The following SULF1 variants were observed in gnomAD, a reference collection of about 807,000 sequenced individuals.
The protein encoded by SULF1 is extracellular sulfatase Sulf-1.
In SULF1, 46 loss-of-function variants were observed where a neutral mutation model predicts 110.5. The observed-to-expected ratio is 0.42, with a 90% CI of 0.33 to 0.53. The LOEUF (loss-of-function observed/expected upper bound fraction) is 0.53, where lower values mean the gene tolerates loss of function less well. Among genes scored for constraint, SULF1 ranks in the 20% least tolerant of loss-of-function variants. SULF1 has a pLI of 0.12. For synonymous variants in SULF1, 371 were observed against 387.1 expected, an observed-to-expected ratio of 0.96 and a Z score of 0.49; for missense variants, 941 against 1,094.2, an observed-to-expected ratio of 0.86 and a Z score of 1.98.
At chr8:69,582,220 A>C (rs1420250899) in intron 6 of SULF1, among the ~76,000 whole-genome samples, 2 of 152,218 alleles carry the variant, frequency 1.3e-5, no homozygotes, top group Non-Finnish European at 2.9e-5. Flanking sequence ...AAGCAGAAAA[A>C]TGTAAGCCAA....
rs1563572639 is a variant in SULF1, at chr8:69,600,672, G to T, written c.804G>T (p.Leu268=). 1 of 1,614,038 alleles carries T rather than the reference G, an allele frequency of 6.2e-7. No homozygotes were observed. Among genetic ancestry groups the T allele is most frequent in the Non-Finnish European group, 8.5e-7 (1 of 1,179,928 alleles). The change falls in exon 9 of 23, where the codon CTG becomes CTT. Residue 268 remains leucine, a synonymous_variant. Coordinates refer to ENST00000402687, the MANE Select transcript of SULF1 (RefSeq NM_001128205.2). The part of the protein sequence containing the change: ...HWIMQYTGPM[L]PIHMEFTNIL... The stretch of plus-strand genomic sequence containing the variant: ...TTATGCAGTACACAGGACCAATGCT[G>T]CCCATCCACATGGAATTTACAAACA...
chr8:69,647,076 C>G (rs1444977245), intron 22 of SULF1, among the ~76,000 whole-genome samples: 2 of 151,254 alleles, frequency 1.3e-5, no homozygotes, highest in African/African-American at 4.9e-5. Flanking sequence ...TCCCTAGTAG[C>G]TGGGACTACA....
At chr8:69,577,050 G>A (rs563755891) in intron 6 of SULF1, among the ~76,000 whole-genome samples, 18 of 152,276 alleles carry the variant, frequency 1.2e-4, no homozygotes, top group African/African-American at 2.9e-4. Context: ...TTTGCAGAGC[G>A]CCCTACGGGC....
At chr8:69,649,864 A>G (rs1387612545) in intron 22 of SULF1, among the ~76,000 whole-genome samples, 2 of 149,866 alleles carry the variant, frequency 1.3e-5, no homozygotes. Flanking sequence ...TAAGTAATTC[A>G]TCTACCAGCT....
intron 14 of SULF1, among the ~76,000 whole-genome samples, chr8:69,622,611 G>A (rs554268075): frequency 1.1e-4 from 16 of 152,008 alleles, no homozygotes; most frequent in East Asian, 3.9e-4. Context: ...AATAAGGGAC[G>A]AGGACCCCAG....
chr8:69,529,105 G>A (rs1243691338), intron 3 of SULF1, among the ~76,000 whole-genome samples: 1 of 152,110 alleles, frequency 6.6e-6, no homozygotes, highest in Non-Finnish European at 1.5e-5. Flanking sequence ...TACTAATAAG[G>A]AAACTGAGAT....
At position 69,640,858 on chromosome 8, in the gene SULF1, A is replaced by G; in HGVS notation, c.2585+17A>G. 6.2e-7 allele frequency: 1 copy of G among 1,606,524 alleles called. No homozygotes were observed. The highest frequency in any genetic ancestry group is 8.5e-7 in the Non-Finnish European group (1 of 1,176,918). ...CCTACACAGGTATTCACACTTTTTT[A>G]TTCTTCTCAACAGCTTCTTCCCCAA... is the stretch of plus-strand genomic sequence containing the variant. On this transcript the variant is annotated intron_variant, in intron 22 of 22. Coordinates refer to ENST00000402687, the MANE Select transcript of SULF1 (RefSeq NM_001128205.2).
chr8:69,576,047 A>G lies in SULF1; in HGVS notation c.250A>G (p.Thr84Ala), dbSNP rs1161901606. 6.2e-7 allele frequency: 1 copy of G among 1,614,196 alleles called. No individual in the cohort carries two copies. Among genetic ancestry groups the G allele is most frequent in the Non-Finnish European group, 8.5e-7 (1 of 1,180,026 alleles). ...GATFINAFVT[T>A]PMCCPSRSSM... ...CACCTTCATCAATGCCTTTGTGACT[A>G]CACCCATGTGCTGCCCGTCACGGTC... Residue 84 changes from threonine to alanine, a missense_variant, in exon 6 of 23, where the codon ACA becomes GCA. This residue lies in a region of SULF1 where 822 missense variants were observed against 934.3 expected (regional missense o/e 0.88). Coordinates refer to ENST00000402687, the MANE Select transcript of SULF1 (RefSeq NM_001128205.2).
chr8:69,607,208 C>G (rs146279882), intron 13 of SULF1, among the ~76,000 whole-genome samples: 1 of 152,356 alleles, frequency 6.6e-6, no homozygotes, highest in East Asian at 1.9e-4. Context: ...CTGATGCTCC[C>G]TAAAGTTTGA....
chr8:69,495,752 C>G lies in SULF1; in HGVS notation c.-390-13C>G, dbSNP rs949827384. The G allele has an allele frequency of 2.6e-5, 4 of 152,192 alleles. No individual in the cohort carries two copies. The highest frequency in any genetic ancestry group is 9.7e-5 in the African/African-American group (4 of 41,444). 9.4% of individuals were successfully genotyped at this position (152,192 alleles called of 1,614,324 possible). On this transcript the variant is annotated splice_polypyrimidine_tract_variant and intron_variant, in intron 1 of 22. Coordinates refer to ENST00000402687, the MANE Select transcript of SULF1 (RefSeq NM_001128205.2). ...AAGTAATACTTATCAAAAACAAACC[C>G]TTTCCTTAACAGGGATTCTTCACTT...
chr8:69,532,838 C>T (rs951572529), intron 3 of SULF1, among the ~76,000 whole-genome samples: 7 of 152,184 alleles, frequency 4.6e-5, no homozygotes, highest in Non-Finnish European at 8.8e-5. Flanking sequence ...CCTTCTCTCC[C>T]TCCTGGAGTC....
intron 14 of SULF1, 79 bp from the exon 15 acceptor site, chr8:69,623,863 T>G: frequency 1.3e-6 from 2 of 1,526,720 alleles, no homozygotes; most frequent in Non-Finnish European, 1.8e-6. Flanking sequence ...CCAGGATCCC[T>G]TCTGGACCAG....
chr8:69,573,123 G>A (rs534605320), intron 5 of SULF1, among the ~76,000 whole-genome samples: 4 of 152,290 alleles, frequency 2.6e-5, no homozygotes, highest in Admixed American at 6.5e-5. Context: ...CACTGAGCCC[G>A]GCCCGAGATT....
chr8:69,533,055 C>T (rs954936346), intron 3 of SULF1, among the ~76,000 whole-genome samples: 1 of 152,170 alleles, frequency 6.6e-6, no homozygotes, highest in Non-Finnish European at 1.5e-5. Flanking sequence ...ACTTGCTTGG[C>T]TCTTATTGCC....
intron 3 of SULF1, among the ~76,000 whole-genome samples, chr8:69,506,671 T>C (rs1423099141): frequency 6.6e-6 from 1 of 152,120 alleles, no homozygotes; most frequent in Non-Finnish European, 1.5e-5. Context: ...CTGATAATGG[T>C]GAGGAAGCAA....
chr8:69,544,251 GT>G (rs374757959), intron 3 of SULF1, among the ~76,000 whole-genome samples: 10 of 150,322 alleles, frequency 6.7e-5, no homozygotes, highest in African/African-American at 2.0e-4. Flanking sequence ...CAAAACAAAT[GT>G]TTTTTTTTGT....
At chr8:69,591,187 T>C (rs532890152) in intron 8 of SULF1, among the ~76,000 whole-genome samples, 5 of 152,216 alleles carry the variant, frequency 3.3e-5, no homozygotes, top group Admixed American at 2.0e-4. Flanking sequence ...AGAGCTCAGT[T>C]GCATGGAATC....
chr8:69,653,405 T>G (rs1016131712), intron 22 of SULF1, among the ~76,000 whole-genome samples: 2 of 152,220 alleles, frequency 1.3e-5, no homozygotes, highest in East Asian at 3.8e-4. Context: ...TTTTAAAATA[T>G]TTACCAGTTT....
At chr8:69,640,969 C>G in intron 22 of SULF1, 128 bp downstream of exon 22, 1 of 714,048 alleles carries the variant, frequency 1.4e-6, no homozygotes, top group South Asian at 2.3e-5. Context: ...CTTGTTCTAA[C>G]AGCATTCTCC....
Sources: allele counts gnomAD v4.1 joint callset (sites outside exome capture counted in the v4.1 genomes callset), GRCh38; gene constraint gnomAD v4.1.1; regional missense constraint gnomAD v4.1.1; transcripts MANE v1.5; gene names NCBI Gene and HGNC (gene_info 2026-07-23, HGNC 2026-07-21).